TMEM272: variants seen among roughly 807,000 people sequenced by gnomAD.
The protein encoded by TMEM272 is transmembrane protein 272.
In TMEM272, 8 loss-of-function variants were observed where a neutral mutation model predicts 3.7. The observed-to-expected ratio is 2.17, with a 90% CI of 1.27 to 3.91. TMEM272 has a LOEUF of 3.91. Among genes scored for constraint, TMEM272 ranks in the 30% most tolerant of loss-of-function variants. The probability of loss-of-function intolerance (pLI) is 0.00; values close to 1 mark genes in which losing one functional copy is unlikely to be tolerated. For synonymous variants in TMEM272, 63 were observed against 39.8 expected, an observed-to-expected ratio of 1.58 and a Z score of -2.20; for missense variants, 166 against 91.5, an observed-to-expected ratio of 1.81 and a Z score of -3.32.
At chr13:51,929,255 A>C in the TMEM272 span, among the ~76,000 whole-genome samples, 1 of 152,212 alleles carries the variant, frequency 6.6e-6, no homozygotes, top group South Asian at 2.1e-4. Context: ...GATGCACATG[A>C]TGATAAAAAT....
the TMEM272 span, among the ~76,000 whole-genome samples, chr13:51,905,228 C>T: frequency 6.6e-6 from 1 of 151,286 alleles, no homozygotes; most frequent in African/African-American, 2.4e-5. Context: ...CCTCCCTCTT[C>T]CAGAGAAAAG....
chr13:51,865,054 G>C, the TMEM272 span, among the ~76,000 whole-genome samples: 3 of 152,308 alleles, frequency 2.0e-5, no homozygotes, highest in Non-Finnish European at 2.9e-5. Context: ...GCCTCATCAT[G>C]TCACACCTAT....
the TMEM272 span, among the ~76,000 whole-genome samples, chr13:51,907,667 G>A: frequency 6.6e-6 from 1 of 152,118 alleles, no homozygotes; most frequent in Non-Finnish European, 1.5e-5. Context: ...CTATCTTCTC[G>A]CTGACCATAC....
the TMEM272 span, among the ~76,000 whole-genome samples, chr13:51,884,834 AC>A: frequency 6.7e-4 from 102 of 152,358 alleles, no homozygotes; most frequent in African/African-American, 2.4e-3. Context: ...TTAGGACATC[AC>A]CTGGAACACA....
At chr13:51,868,376 G>A in the TMEM272 span, among the ~76,000 whole-genome samples, 2 of 152,198 alleles carry the variant, frequency 1.3e-5, no homozygotes, top group African/African-American at 4.8e-5. Context: ...TGCTTTAAAC[G>A]CTATGCAAAG....
chr13:51,913,051 A>T, the TMEM272 span, among the ~76,000 whole-genome samples: 2 of 152,190 alleles, frequency 1.3e-5, no homozygotes, highest in African/African-American at 4.8e-5. Flanking sequence ...AAGCCTGTTA[A>T]TTCACACACC....
At chr13:51,893,030 A>G in the TMEM272 span, among the ~76,000 whole-genome samples, 1 of 152,254 alleles carries the variant, frequency 6.6e-6, no homozygotes, top group African/African-American at 2.4e-5. Flanking sequence ...CCATTTTCTG[A>G]CAAACATCAT....
At chr13:51,866,324 G>A in the TMEM272 span, 1 of 429,670 alleles carries the variant, frequency 2.3e-6, no homozygotes, top group Non-Finnish European at 4.2e-6. Flanking sequence ...TCGGTCCCAG[G>A]CAGCTCCCAG....
At chr13:51,829,505 T>C (rs1425028703) in intron 2 of TMEM272, among the ~76,000 whole-genome samples, 1 of 152,216 alleles carries the variant, frequency 6.6e-6, no homozygotes, top group African/African-American at 2.4e-5. Context: ...TCTAGCCACA[T>C]TTGTTTTAAT....
chr13:51,863,665 G>GCACACACA, the TMEM272 span, among the ~76,000 whole-genome samples: 1 of 103,764 alleles, frequency 9.6e-6, no homozygotes, highest in African/African-American at 4.6e-5. Context: ...ATATGCACGC[G>GCACACACA]CACACAGACA....
At chr13:51,876,497 T>G in the TMEM272 span, among the ~76,000 whole-genome samples, 1 of 152,240 alleles carries the variant, frequency 6.6e-6, no homozygotes, top group African/African-American at 2.4e-5. Context: ...GTTCTGTGCC[T>G]TGGTTAATAC....
the TMEM272 span, among the ~76,000 whole-genome samples, chr13:51,880,832 T>C: frequency 6.6e-6 from 1 of 152,178 alleles, no homozygotes; most frequent in African/African-American, 2.4e-5. Context: ...AGACTACAAA[T>C]TGGGTTCAGT....
the TMEM272 span, among the ~76,000 whole-genome samples, chr13:51,885,087 G>A: frequency 1.3e-5 from 2 of 152,342 alleles, no homozygotes; most frequent in Non-Finnish European, 2.9e-5. Flanking sequence ...AAGCTTAGAA[G>A]TGAGCACCTG....
the TMEM272 span, among the ~76,000 whole-genome samples, chr13:51,853,302 T>C: frequency 6.6e-6 from 1 of 151,770 alleles, no homozygotes; most frequent in Non-Finnish European, 1.5e-5. Flanking sequence ...CCCAGCTACT[T>C]GGGAAGCTGA....
chr13:51,929,411 T>TCC, the TMEM272 span, among the ~76,000 whole-genome samples: 1 of 152,202 alleles, frequency 6.6e-6, no homozygotes, highest in African/African-American at 2.4e-5. Flanking sequence ...CTCATGCTCT[T>TCC]CCCCTTCTCC....
chr13:51,919,504 A>G, the TMEM272 span, among the ~76,000 whole-genome samples: 18,815 of 151,894 alleles, frequency 0.12, 1,547 homozygotes, highest in African/African-American at 0.22. Context: ...GACCACAGAG[A>G]CTGGTGTCTA....
At chr13:51,823,322 T>C in intron 3 of TMEM272, among the ~76,000 whole-genome samples, 1 of 152,252 alleles carries the variant, frequency 6.6e-6, no homozygotes, top group East Asian at 1.9e-4. Context: ...CAAGTGATCC[T>C]CCTGCCTGGG....
the TMEM272 span, among the ~76,000 whole-genome samples, chr13:51,920,538 A>G: frequency 2.0e-5 from 3 of 152,078 alleles, no homozygotes; most frequent in Non-Finnish European, 2.9e-5. Context: ...GGTGTCTTTG[A>G]GATCTGGGCC....
the TMEM272 span, among the ~76,000 whole-genome samples, chr13:51,914,732 A>G: frequency 2.2e-4 from 33 of 152,208 alleles, no homozygotes; most frequent in Admixed American, 2.0e-3. Context: ...ACAGAGCAGC[A>G]GCCTCACAGC....
Sources: allele counts gnomAD v4.1 joint callset (sites outside exome capture counted in the v4.1 genomes callset), GRCh38; gene constraint gnomAD v4.1.1; transcripts MANE v1.5; gene names NCBI Gene and HGNC (gene_info 2026-07-23, HGNC 2026-07-21).